Variants in TNIK observed in about 807,000 individuals in gnomAD.
TNIK encodes the protein TRAF2 and NCK interacting kinase.
A neutral mutation model predicts 191.3 loss-of-function variants in TNIK; 49 were observed. That is an observed-to-expected ratio of 0.26 (90% CI 0.20 to 0.32). The LOEUF (loss-of-function observed/expected upper bound fraction) is 0.32, where lower values mean the gene tolerates loss of function less well. Ranked by LOEUF, TNIK falls within the 10% of genes least tolerant of loss-of-function variation. The probability of loss-of-function intolerance (pLI) is 1.00; values close to 1 mark genes in which losing one functional copy is unlikely to be tolerated. For synonymous variants in TNIK, 594 were observed against 600.9 expected, an observed-to-expected ratio of 0.99 and a Z score of 0.17; for missense variants, 1,155 against 1,702.3, an observed-to-expected ratio of 0.68 and a Z score of 5.66.
At chr3:171,435,592 A>G (rs1329908565) in intron 1 of TNIK, among the ~76,000 whole-genome samples, 1 of 152,210 alleles carries the variant, frequency 6.6e-6, no homozygotes, top group Non-Finnish European at 1.5e-5. Flanking sequence ...TTTTTTAATC[A>G]AAAATAACTG....
At chr3:171,126,277 A>G (rs1728469827) in intron 16 of TNIK, 126 bp from the exon 17 acceptor site, 1 of 1,205,930 alleles carries the variant, frequency 8.3e-7, no homozygotes, top group Non-Finnish European at 1.1e-6. Context: ...TAGAGAGTCT[A>G]TCACAACTAT....
At chr3:171,099,409 G>A (rs764786132) in intron 22 of TNIK, among the ~76,000 whole-genome samples, 4 of 148,954 alleles carry the variant, frequency 2.7e-5, no homozygotes, top group Non-Finnish European at 5.9e-5. Context: ...ACAGTTATTT[G>A]TATAGAATTG....
rs772401333 is a variant in TNIK, at chr3:171,087,434, G to A, written c.2794C>T (p.Leu932=). The part of the protein sequence containing the change: ...GFAGHINLPD[L]VQQSHSPAGT... ...GCTGGAGAATGGCTCTGCTGCACCA[G>A]GTCAGGGAGGTTGATGTGGCCAGCA... Residue 932 remains leucine (L), a synonymous_variant, in exon 24 of 33, where the codon CTG becomes TTG. Coordinates refer to ENST00000436636, the MANE Select transcript of TNIK (RefSeq NM_015028.4). 3 of 1,613,978 alleles carry A rather than the reference G, an allele frequency of 1.9e-6. No homozygotes were observed. In the South Asian group the frequency reaches 3.3e-5, roughly 18 times the overall value.
intron 23 of TNIK, among the ~76,000 whole-genome samples, chr3:171,092,590 G>A (rs1311829637): frequency 6.6e-6 from 1 of 152,190 alleles, no homozygotes; most frequent in African/African-American, 2.4e-5. Flanking sequence ...GTCAATTTCA[G>A]CAGCCAAGTC....
intron 29 of TNIK, 122 bp from the exon 30 acceptor site, chr3:171,069,119 C>A: frequency 1.0e-5 from 13 of 1,277,742 alleles, no homozygotes; most frequent in Non-Finnish European, 1.4e-5. Flanking sequence ...TAGAAAATTT[C>A]TCTTTCAGTT....
intron 2 of TNIK, among the ~76,000 whole-genome samples, chr3:171,261,845 AAC>A (rs1356791012): frequency 6.6e-6 from 1 of 152,196 alleles, no homozygotes; most frequent in African/African-American, 2.4e-5. Flanking sequence ...CAGGAGAGAA[AAC>A]ACAAGGGCTG....
At chr3:171,237,757 A>G (rs961597734) in intron 2 of TNIK, among the ~76,000 whole-genome samples, 1 of 152,146 alleles carries the variant, frequency 6.6e-6, no homozygotes, top group Non-Finnish European at 1.5e-5. Flanking sequence ...CCCCGTCTCT[A>G]TAAAAAATCT....
At chr3:171,435,892 C>A (rs1725971544) in intron 1 of TNIK, among the ~76,000 whole-genome samples, 1 of 152,092 alleles carries the variant, frequency 6.6e-6, no homozygotes, top group South Asian at 2.1e-4. Context: ...CAGAGGGTGA[C>A]AGGCAAGAAA....
intron 2 of TNIK, among the ~76,000 whole-genome samples, chr3:171,314,646 C>T (rs1754403781): frequency 6.6e-6 from 1 of 152,144 alleles, no homozygotes; most frequent in Non-Finnish European, 1.5e-5. Context: ...TGCATGCCTG[C>T]TGGGTGAGTG....
intron 1 of TNIK, among the ~76,000 whole-genome samples, chr3:171,454,941 G>T (rs574683135): frequency 6.6e-6 from 1 of 152,300 alleles, no homozygotes; most frequent in African/African-American, 2.4e-5. Flanking sequence ...CAATGTGTTT[G>T]TATTTGAATA....
intron 2 of TNIK, among the ~76,000 whole-genome samples, chr3:171,308,230 T>C (rs915482358): frequency 7.9e-5 from 12 of 151,968 alleles, no homozygotes; most frequent in Admixed American, 5.9e-4. Context: ...AACAGACATA[T>C]AGATGAATGA....
chr3:171,103,677 T>A (rs1410182583), intron 21 of TNIK, among the ~76,000 whole-genome samples: 2 of 152,018 alleles, frequency 1.3e-5, no homozygotes, highest in Non-Finnish European at 2.9e-5. Flanking sequence ...TGTTACTTGT[T>A]ATTAAGAATT....
intron 18 of TNIK, among the ~76,000 whole-genome samples, chr3:171,119,532 C>A (rs1344420596): frequency 6.6e-6 from 1 of 152,194 alleles, no homozygotes; most frequent in African/African-American, 2.4e-5. Flanking sequence ...ATGACAAAGA[C>A]TTGGAACCAA....
At chr3:171,431,547 C>A (rs564141611) in intron 1 of TNIK, among the ~76,000 whole-genome samples, 1 of 152,160 alleles carries the variant, frequency 6.6e-6, no homozygotes, top group African/African-American at 2.4e-5. Flanking sequence ...AATGAGCCTA[C>A]ATTAAGTTTT....
At chr3:171,392,506 C>A (rs1449416311) in intron 1 of TNIK, among the ~76,000 whole-genome samples, 1 of 152,060 alleles carries the variant, frequency 6.6e-6, no homozygotes, top group Non-Finnish European at 1.5e-5. Context: ...ACAGGCTGGG[C>A]ACAGTGGCTC....
At chr3:171,383,956 C>T (rs1370201156) in intron 1 of TNIK, among the ~76,000 whole-genome samples, 1 of 152,216 alleles carries the variant, frequency 6.6e-6, no homozygotes, top group Non-Finnish European at 1.5e-5. Context: ...ACCTCAGCCT[C>T]CCTTTAAAGC....
At chr3:171,326,332 G>A (rs9823670) in intron 2 of TNIK, among the ~76,000 whole-genome samples, 2,499 of 152,154 alleles carry the variant, frequency 0.016, 64 homozygotes, top group African/African-American at 0.058. Flanking sequence ...TCAAGATACT[G>A]ATTCTCGTTA....
chr3:171,184,277 G>A (rs988104234), intron 7 of TNIK, among the ~76,000 whole-genome samples: 1 of 152,178 alleles, frequency 6.6e-6, no homozygotes, highest in African/African-American at 2.4e-5. Flanking sequence ...CTTAGGTGGT[G>A]AGTTAGGGTC....
At chr3:171,380,917 G>A (rs557685976) in intron 1 of TNIK, among the ~76,000 whole-genome samples, 1 of 152,360 alleles carries the variant, frequency 6.6e-6, no homozygotes, top group African/African-American at 2.4e-5. Context: ...ATAGCTACCT[G>A]GAGCAGGGAC....
Sources: allele counts gnomAD v4.1 joint callset (sites outside exome capture counted in the v4.1 genomes callset), GRCh38; gene constraint gnomAD v4.1.1; transcripts MANE v1.5; gene names NCBI Gene and HGNC (gene_info 2026-07-23, HGNC 2026-07-21).